CCDC34: variants seen among roughly 807,000 people sequenced by gnomAD.
The protein encoded by CCDC34 is coiled-coil domain-containing protein 34.
A neutral mutation model predicts 44.1 loss-of-function variants in CCDC34; 40 were observed. The ratio of observed to expected loss-of-function variants is 0.91; its 90% CI spans 0.70 to 1.18. The LOEUF (loss-of-function observed/expected upper bound fraction) is 1.18. Among genes scored for constraint, CCDC34 ranks in the 50% most tolerant of loss-of-function variants. CCDC34 has a pLI of 0.00. For missense variants in CCDC34, 466 were observed against 452.3 expected (o/e 1.03, Z -0.28); for synonymous variants, 159 against 158.2 (o/e 1.01, Z -0.04).
In CCDC34 at chr11:27,357,456, A is replaced by G; in HGVS notation, c.445T>C (p.Phe149Leu). 1 of 1,613,918 alleles carries G rather than the reference A, an allele frequency of 6.2e-7. No homozygotes were observed. Among genetic ancestry groups the G allele is most frequent in the Non-Finnish European group, 8.5e-7 (1 of 1,179,892 alleles). The change falls in exon 2 of 6, where the codon TTT becomes CTT. Residue 149 changes from phenylalanine (F) to leucine (L), a missense_variant. Coordinates refer to ENST00000328697, the MANE Select transcript of CCDC34 (RefSeq NM_030771.2). ...ESRLTPWEVW[F>L]IGKEKEERDR... ...CGTTCTTCTTTTTCTTTGCCAATAA[A>G]CCACACCTCCCATGGTGTCAGGCGG...
intron 1 of CCDC34, among the ~76,000 whole-genome samples, chr11:27,362,370 TTA>T (rs1409596991): frequency 3.3e-5 from 5 of 152,348 alleles, no homozygotes; most frequent in Admixed American, 6.5e-5. Flanking sequence ...CTTCAGCACT[TTA>T]TGTTATAAAA....
chr11:27,349,553 T>C (rs1220240137), intron 3 of CCDC34: 1 of 958,652 alleles, frequency 1.0e-6, no homozygotes, highest in Non-Finnish European at 1.2e-6. Flanking sequence ...TTTGTAAAAC[T>C]GGATTATAAT....
At chr11:27,360,719 T>C (rs1431130177) in intron 1 of CCDC34, among the ~76,000 whole-genome samples, 3 of 152,212 alleles carry the variant, frequency 2.0e-5, no homozygotes, top group Non-Finnish European at 4.4e-5. Flanking sequence ...CAGAACGTGG[T>C]TTACTGCACC....
At chr11:27,339,902 G>A (rs989838418) in intron 5 of CCDC34, among the ~76,000 whole-genome samples, 1 of 151,812 alleles carries the variant, frequency 6.6e-6, no homozygotes, top group African/African-American at 2.4e-5. Context: ...CTGGGTTAAA[G>A]CCACTGCTTA....
intron 1 of CCDC34, 39 bp downstream of exon 1, chr11:27,362,797 T>C (rs1862686483): frequency 6.3e-7 from 1 of 1,594,496 alleles, no homozygotes; most frequent in Non-Finnish European, 8.6e-7. Context: ...CTAAGGAATC[T>C]TGAAAAGGGC....
intron 3 of CCDC34, among the ~76,000 whole-genome samples, chr11:27,343,541 T>C (rs768889756): frequency 6.6e-6 from 1 of 152,188 alleles, no homozygotes; most frequent in Non-Finnish European, 1.5e-5. Flanking sequence ...GGAACAATAC[T>C]GGATTTTAAC....
Position 27,349,329 on chromosome 11 carries a change from T to G in CCDC34, c.606+1003A>C, listed in dbSNP as rs999183374. ...AAACTTTTTTAAAAAAACAAAGTAA[T>G]TGACTTCTAAACAAATATGGTTATA... On this transcript the variant is annotated intron_variant, in intron 3 of 5. Coordinates refer to ENST00000328697, the MANE Select transcript of CCDC34 (RefSeq NM_030771.2). 76 of 900,674 alleles carry G rather than the reference T, an allele frequency of 8.4e-5. 1 individual carries two copies. The African/African-American group carries it at 1.4e-3, about 16-fold the overall frequency. 55.8% of individuals were successfully genotyped at this position (900,674 alleles called of 1,614,324 possible).
chr11:27,363,043 G>A lies in CCDC34; in HGVS notation c.152C>T (p.Pro51Leu), dbSNP rs1390655268. The change falls in exon 1 of 6, where the codon CCG becomes CTG. Residue 51 changes from proline (P) to leucine (L), a missense_variant. Coordinates refer to ENST00000328697, the MANE Select transcript of CCDC34 (RefSeq NM_030771.2). ...GCAGCTCAGCGGCAGCGGCGGCGAC[G>A]GCGAGCGCACCACCTCCAGCCCCTG... ...RGQGLEVVRS[P>L]SPPLPLSCSN... 13 of 1,613,820 alleles carry A rather than the reference G, an allele frequency of 8.1e-6. No homozygotes were observed. Among genetic ancestry groups the A allele is most frequent in the Non-Finnish European group, 1.1e-5 (13 of 1,179,978 alleles).
intron 3 of CCDC34, among the ~76,000 whole-genome samples, chr11:27,344,402 A>T (rs1862404860): frequency 6.6e-6 from 1 of 152,112 alleles, no homozygotes; most frequent in Non-Finnish European, 1.5e-5. Context: ...TGCATGTTAC[A>T]AACATGTATG....
intron 2 of CCDC34, among the ~76,000 whole-genome samples, 160 bp from the exon 3 acceptor site, chr11:27,350,599 T>C (rs776431159): frequency 3.9e-5 from 6 of 152,206 alleles, no homozygotes; most frequent in Non-Finnish European, 8.8e-5. Context: ...AACCAGTCTA[T>C]GATGAAAAAA....
intron 1 of CCDC34, among the ~76,000 whole-genome samples, chr11:27,362,345 T>C (rs12808112): frequency 6.6e-6 from 1 of 152,054 alleles, no homozygotes; most frequent in Admixed American, 6.5e-5. Flanking sequence ...GAGGTTGACA[T>C]TGCTAATCTC....
chr11:27,350,054 C>G, intron 3 of CCDC34: 1 of 1,274,440 alleles, frequency 7.8e-7, no homozygotes, highest in African/African-American at 1.5e-5. Flanking sequence ...GAGGCACTTG[C>G]CATAAGGATC....
chr11:27,340,453 A>T (rs1184267651), intron 5 of CCDC34, among the ~76,000 whole-genome samples: 1 of 152,226 alleles, frequency 6.6e-6, no homozygotes, highest in Non-Finnish European at 1.5e-5. Context: ...AATGTTACAA[A>T]TCACTACTTT....
chr11:27,342,349 G>A (rs1321913534), intron 3 of CCDC34, among the ~76,000 whole-genome samples: 1 of 143,752 alleles, frequency 7.0e-6, no homozygotes, highest in African/African-American at 2.6e-5. Flanking sequence ...ATAAATATAT[G>A]TATATATATG....
At chr11:27,339,340 C>A (rs1016804365) in intron 5 of CCDC34, among the ~76,000 whole-genome samples, 3 of 152,138 alleles carry the variant, frequency 2.0e-5, no homozygotes, top group Non-Finnish European at 2.9e-5. Context: ...ATTTTATGAT[C>A]CTTAAATTCA....
At chr11:27,342,618 G>A (rs1862377834) in intron 3 of CCDC34, among the ~76,000 whole-genome samples, 1 of 152,046 alleles carries the variant, frequency 6.6e-6, no homozygotes, top group Non-Finnish European at 1.5e-5. Flanking sequence ...ATTTGTAAAT[G>A]AAGTTTTATA....
At chr11:27,347,059 G>A (rs1226967322) in intron 3 of CCDC34, among the ~76,000 whole-genome samples, 1 of 151,996 alleles carries the variant, frequency 6.6e-6, no homozygotes, top group African/African-American at 2.4e-5. Context: ...CCCAATTTGT[G>A]GTATTTTGTT....
intron 3 of CCDC34, among the ~76,000 whole-genome samples, 192 bp from the exon 4 acceptor site, chr11:27,341,742 C>T (rs996937804): frequency 1.3e-5 from 2 of 152,116 alleles, no homozygotes; most frequent in African/African-American, 4.8e-5. Flanking sequence ...GTCAGTCTAC[C>T]TGCTGGGCTA....
At chr11:27,360,131 G>T (rs1862641028) in intron 1 of CCDC34, among the ~76,000 whole-genome samples, 1 of 152,150 alleles carries the variant, frequency 6.6e-6, no homozygotes, top group Admixed American at 6.5e-5. Flanking sequence ...ACACACTACA[G>T]CTCTACTTAT....
Sources: allele counts gnomAD v4.1 joint callset (sites outside exome capture counted in the v4.1 genomes callset), GRCh38; gene constraint gnomAD v4.1.1; transcripts MANE v1.5; gene names NCBI Gene and HGNC (gene_info 2026-07-23, HGNC 2026-07-21).